The following RNF38 variants were observed in gnomAD, a reference collection of about 807,000 sequenced individuals.
RNF38 encodes E3 ubiquitin-protein ligase RNF38.
Under a neutral mutation model 67.2 loss-of-function variants are expected in RNF38, and 15 were observed. That is an observed-to-expected ratio of 0.22 (90% CI 0.15 to 0.34). The LOEUF is 0.34. Ranked by LOEUF, RNF38 falls within the 10% of genes least tolerant of loss-of-function variation. The pLI is 1.00. For missense variants in RNF38, 524 were observed against 639.9 expected, an observed-to-expected ratio of 0.82 and a Z score of 1.95; for synonymous variants, 220 against 218.8, an observed-to-expected ratio of 1.01 and a Z score of -0.05.
intron 1 of RNF38, among the ~76,000 whole-genome samples, chr9:36,399,527 T>C (rs1480517991): frequency 1.3e-5 from 2 of 148,186 alleles, no homozygotes; most frequent in African/African-American, 2.5e-5. Flanking sequence ...TAAATAAATA[T>C]ATTATAAATA....
At chr9:36,383,872 A>C (rs1382737318) in intron 2 of RNF38, among the ~76,000 whole-genome samples, 1 of 152,120 alleles carries the variant, frequency 6.6e-6, no homozygotes, top group African/African-American at 2.4e-5. Context: ...CTGCTCAGAA[A>C]GGCACTCTAG....
chr9:36,415,980 G>A (rs755524410), intron 2 of RNF38, among the ~76,000 whole-genome samples: 2 of 152,082 alleles, frequency 1.3e-5, no homozygotes, highest in Non-Finnish European at 2.9e-5. Context: ...ATCGACTGCA[G>A]TAGTACGGGG....
At chr9:36,362,359 G>A (rs935301550) in intron 4 of RNF38, among the ~76,000 whole-genome samples, 7 of 151,790 alleles carry the variant, frequency 4.6e-5, no homozygotes, top group African/African-American at 1.5e-4. Context: ...ACTCCGTCTC[G>A]GGGGAGGGGG....
chr9:36,394,687 C>G (rs1174186879), intron 1 of RNF38, among the ~76,000 whole-genome samples: 1 of 152,204 alleles, frequency 6.6e-6, no homozygotes, highest in African/African-American at 2.4e-5. Flanking sequence ...TCAGAAATAT[C>G]AAAACCATAA....
chr9:36,411,157 CAAAA>C (rs199916194), intron 2 of RNF38, among the ~76,000 whole-genome samples: 2 of 67,598 alleles, frequency 3.0e-5, no homozygotes, highest in South Asian at 4.0e-4. Context: ...AACTGAACAG[CAAAA>C]AAAAAAAAAA....
chr9:36,397,205 T>A (rs1837603940), intron 1 of RNF38, among the ~76,000 whole-genome samples: 1 of 151,284 alleles, frequency 6.6e-6, no homozygotes, highest in Admixed American at 6.6e-5. Context: ...AGTCTTCACC[T>A]CCTGGGTTCA....
intron 3 of RNF38, among the ~76,000 whole-genome samples, chr9:36,374,678 C>T (rs2265348): frequency 4.8e-4 from 73 of 152,266 alleles, no homozygotes; most frequent in African/African-American, 1.3e-3. Flanking sequence ...TTAGTAGAGA[C>T]GAGGCTTCAC....
At chr9:36,447,620 G>T (rs1462076495) in intron 1 of RNF38, among the ~76,000 whole-genome samples, 2 of 152,098 alleles carry the variant, frequency 1.3e-5, no homozygotes, top group Non-Finnish European at 2.9e-5. Context: ...AGCCACCGAA[G>T]AAGCCTAATG....
In RNF38 at chr9:36,356,168, C is replaced by T. The variant is rs1834090981; in HGVS notation, c.909+135G>A. On this transcript the variant is annotated intron_variant, in intron 6 of 11. Coordinates refer to ENST00000259605, the MANE Select transcript of RNF38 (RefSeq NM_022781.5). The stretch of plus-strand genomic sequence containing the variant: ...GGCCAAGTTACTATGTTTAAGCATG[C>T]CATTTAAACATAGTAACTTAGGCAT... 13 of 830,242 alleles carry T rather than the reference C, an allele frequency of 1.6e-5. 1 individual carries two copies. The South Asian group carries it at 2.2e-4, about 14-fold the overall frequency. The allele number at this position is 830,242 out of a possible 1,614,324, so 51.4% of individuals were successfully genotyped here. A position where few individuals can be genotyped will look rare whatever the true frequency, so the allele number is the denominator to read the frequency against.
rs542329638 is a variant in RNF38 at position 36,424,310 on chromosome 9, C to T, written n.312+303G>A. 5.3e-5 allele frequency among the ~76,000 whole-genome samples: 8 copies of T among 152,256 alleles called. 1 individual carries two copies. The highest frequency in any genetic ancestry group is 1.9e-4 in the East Asian group (1 of 5,192). On this transcript the variant is annotated intron_variant and non_coding_transcript_variant, in intron 2 of 3. Transcript: ENST00000488058. ...GCTATCAACCTCTGAAACACATGTTCGTATATTAAGATAATCCATTCAGGC... is the reference window on the plus strand; with the variant it reads ...GCTATCAACCTCTGAAACACATGTTTGTATATTAAGATAATCCATTCAGGC...
intron 6 of RNF38, among the ~76,000 whole-genome samples, chr9:36,355,420 A>G (rs929299562): frequency 6.6e-6 from 1 of 152,172 alleles, no homozygotes; most frequent in Non-Finnish European, 1.5e-5. Flanking sequence ...CCAAAATAAT[A>G]GGCCTCTCAA....
intron 1 of RNF38, among the ~76,000 whole-genome samples, chr9:36,475,442 C>G (rs368700358): frequency 7.1e-4 from 108 of 151,984 alleles, no homozygotes; most frequent in Admixed American, 1.5e-3. Flanking sequence ...CCTGCAACCT[C>G]CATCTCCTGG....
At chr9:36,342,556 A>C in intron 10 of RNF38, 132 bp from the exon 11 acceptor site, 1 of 631,492 alleles carries the variant, frequency 1.6e-6, no homozygotes, top group Non-Finnish European at 2.8e-6. Flanking sequence ...TTATCAACCA[A>C]TACCCTGAAA....
At chr9:36,478,634 A>G (rs2134443165) in intron 1 of RNF38, among the ~76,000 whole-genome samples, 1 of 151,748 alleles carries the variant, frequency 6.6e-6, no homozygotes, top group Admixed American at 6.6e-5. Context: ...CCTGACCAAC[A>G]TGAAGAAACC....
chr9:36,376,040 T>C lies in RNF38; in HGVS notation c.250A>G (p.Met84Val), dbSNP rs1835761164. The C allele has an allele frequency of 3.7e-6, 6 of 1,613,226 alleles. No homozygotes were observed. The highest frequency in any genetic ancestry group is 2.2e-5 in the East Asian group (1 of 44,838). Reference protein sequence around the residue: ...TSASPAPSPPMRPWEMTSNRQ... With the variant: ...TSASPAPSPPVRPWEMTSNRQ... Reference sequence around the variant, plus strand: ...TTTGATGTCATCTCCCATGGTCGCATTGGTGGTGAGGGAGCTGGTGATGCT... The same window carrying C: ...TTTGATGTCATCTCCCATGGTCGCACTGGTGGTGAGGGAGCTGGTGATGCT... Residue 84 changes from methionine to valine, a missense_variant, in exon 3 of 12, where the codon ATG becomes GTG. This residue lies in a region of RNF38 where 461 missense variants were observed against 517.4 expected (regional missense o/e 0.89). Coordinates refer to ENST00000259605, the MANE Select transcript of RNF38 (RefSeq NM_022781.5).
At chr9:36,370,564 T>G (rs917229435) in intron 3 of RNF38, among the ~76,000 whole-genome samples, 2 of 152,204 alleles carry the variant, frequency 1.3e-5, no homozygotes, top group African/African-American at 4.8e-5. Flanking sequence ...TTTTAATTTT[T>G]ATGGGTGCAC....
chr9:36,463,521 A>G (rs1839784994), intron 1 of RNF38, among the ~76,000 whole-genome samples: 1 of 152,166 alleles, frequency 6.6e-6, no homozygotes, highest in Non-Finnish European at 1.5e-5. Context: ...TAAATTCAAG[A>G]GCATTTCCAT....
upstream of RNF38, chr9:36,400,870 G>T (rs1208302907): frequency 1.1e-6 from 1 of 941,412 alleles, no homozygotes; most frequent in Non-Finnish European, 1.2e-6. Flanking sequence ...CCGCAACACC[G>T]CACTAGGGGC....
At chr9:36,474,796 G>C (rs1292952042) in intron 1 of RNF38, among the ~76,000 whole-genome samples, 5 of 148,056 alleles carry the variant, frequency 3.4e-5, no homozygotes, top group Non-Finnish European at 7.4e-5. Context: ...GGAACTGAAG[G>C]GAAAAGAGGC....
Sources: gnomAD v4.1 joint callset for allele counts (sites outside exome capture counted in the v4.1 genomes callset) on GRCh38, gnomAD v4.1.1 for gene constraint, gnomAD v4.1.1 regional missense constraint, MANE v1.5 for transcripts, NCBI Gene and HGNC (gene_info 2026-07-23, HGNC 2026-07-21) for gene names.